The following TSHZ3 variants were observed in gnomAD, a reference collection of about 807,000 sequenced individuals.
The protein encoded by TSHZ3 is teashirt homolog 3.
In TSHZ3, 10 loss-of-function variants were observed where a neutral mutation model predicts 64.5. That is an observed-to-expected ratio of 0.16 (90% confidence interval 0.10 to 0.26). The LOEUF (loss-of-function observed/expected upper bound fraction) is 0.26, where lower values mean the gene tolerates loss of function less well. Ranked by LOEUF, TSHZ3 falls within the 10% of genes least tolerant of loss-of-function variation. TSHZ3 has a pLI of 1.00. For synonymous variants in TSHZ3, 608 were observed against 593.1 expected (o/e 1.03, Z -0.36); for missense variants, 1,242 against 1,421.7 (o/e 0.87, Z 2.03).
intron 1 of TSHZ3, among the ~76,000 whole-genome samples, chr19:31,289,294 G>C (rs568371109): frequency 2.6e-5 from 4 of 152,140 alleles, no homozygotes; most frequent in East Asian, 3.9e-4. Context: ...AGGAGGAGGT[G>C]GGGGGACAAG....
At chr19:31,203,337 G>C (rs539515370) in intron 5 of TSHZ3, among the ~76,000 whole-genome samples, 1 of 152,266 alleles carries the variant, frequency 6.6e-6, no homozygotes, top group South Asian at 2.1e-4. Context: ...GAGGAGACCA[G>C]AGAGGTGAGC....
intron 1 of TSHZ3, among the ~76,000 whole-genome samples, chr19:31,328,241 T>C (rs1916983103): frequency 6.6e-6 from 1 of 152,210 alleles, no homozygotes; most frequent in Non-Finnish European, 1.5e-5. Flanking sequence ...AGTGCTAGGC[T>C]CATGGAGCAG....
chr19:31,216,250 G>T (rs372851670), intron 4 of TSHZ3, among the ~76,000 whole-genome samples: 3 of 151,860 alleles, frequency 2.0e-5, no homozygotes, highest in Non-Finnish European at 1.5e-5. Flanking sequence ...GGCCTTTTTG[G>T]GGGGGCTCCC....
intron 1 of TSHZ3, among the ~76,000 whole-genome samples, chr19:31,245,708 A>C (rs182124141): frequency 6.6e-6 from 1 of 152,238 alleles, no homozygotes; most frequent in African/African-American, 2.4e-5. Flanking sequence ...TCTCCATACA[A>C]AGCTGGATGC....
At chr19:31,176,245 G>A (rs957465832) in intron 5 of TSHZ3, among the ~76,000 whole-genome samples, 5 of 152,158 alleles carry the variant, frequency 3.3e-5, no homozygotes, top group South Asian at 2.1e-4. Context: ...AGATCCATCC[G>A]GACCAAAGGA....
chr19:31,162,115 G>C (rs1244507891), intron 5 of TSHZ3, among the ~76,000 whole-genome samples: 4 of 152,154 alleles, frequency 2.6e-5, no homozygotes, highest in Non-Finnish European at 5.9e-5. Context: ...GTGATTTGAA[G>C]CTTCGTTATT....
At chr19:31,215,143 A>C (rs1319844116) in intron 4 of TSHZ3, among the ~76,000 whole-genome samples, 1 of 152,138 alleles carries the variant, frequency 6.6e-6, no homozygotes, top group Admixed American at 6.5e-5. Context: ...CACATTCAGA[A>C]TTGTGGCGCT....
chr19:31,331,809 G>A lies in TSHZ3; in HGVS notation c.40+17371C>T, dbSNP rs1471980996. On this transcript the variant is annotated intron_variant, in intron 1 of 1. Transcript: ENST00000240587. Reference sequence around the variant, plus strand: ...GTCCATTTTATGTTTCCACACCAGAGCACGCTGCACCTTCGTAAGGAGGGG... The same window carrying A: ...GTCCATTTTATGTTTCCACACCAGAACACGCTGCACCTTCGTAAGGAGGGG... Among the ~76,000 whole-genome samples the A allele has an allele frequency of 3.7e-4, 57 of 152,262 alleles. 1 individual carries two copies. Among genetic ancestry groups the A allele is most frequent in the Admixed American group, 3.7e-3 (56 of 15,302 alleles).
In TSHZ3 at chr19:31,203,946, C is replaced by T. The variant is rs142052753; in HGVS notation, n.809+1010G>A. 6.0e-3 allele frequency among the ~76,000 whole-genome samples: 911 copies of T among 152,082 alleles called. 12 individuals are homozygous for T. Among genetic ancestry groups the T allele is most frequent in the African/African-American group, 0.021 (867 of 41,462 alleles). ...AAGAGGCTTAGTGGACTCACAGTTC[C>T]GCATGGCTGGAGAGACCTCAGGAAA... On this transcript the variant is annotated intron_variant and non_coding_transcript_variant, in intron 5 of 6. Coordinates refer to the TSHZ3 transcript ENST00000651361.
chr19:31,339,287 T>A (rs1568386308), intron 1 of TSHZ3, among the ~76,000 whole-genome samples: 1 of 146,998 alleles, frequency 6.8e-6, no homozygotes, highest in Non-Finnish European at 1.5e-5. Flanking sequence ...GTCAGAAGAG[T>A]GTCAAAGGCT....
At chr19:31,173,109 T>G (rs879808453) in intron 5 of TSHZ3, among the ~76,000 whole-genome samples, 1 of 152,176 alleles carries the variant, frequency 6.6e-6, no homozygotes, top group African/African-American at 2.4e-5. Flanking sequence ...AAAAGGAAGA[T>G]CCAATGACCA....
At position 31,277,142 on chromosome 19, in the gene TSHZ3, TCC is replaced by T; in HGVS notation, c.2649_2650del (p.Glu884ValfsTer95). 6.2e-7 allele frequency: 1 copy of T among 1,609,412 alleles called. No individual in the cohort carries two copies. ...CTTCCTCTTCTGGGCGGGCGTCGAC[TCC>T]TCAGCCTCCTCCAGAGTGGCCCCGT... is the stretch of plus-strand genomic sequence containing the variant. On this transcript the variant is annotated frameshift_variant, in exon 2 of 2. Transcript: ENST00000240587. LOFTEE classifies it high-confidence loss of function. This position sits in a 1 kb window ranked among gnomAD's most constrained non-coding sequence, Gnocchi z 4.5.
chr19:31,231,725 G>C (rs183921428), intron 3 of TSHZ3, among the ~76,000 whole-genome samples: 16 of 152,064 alleles, frequency 1.1e-4, no homozygotes, highest in African/African-American at 3.9e-4. Context: ...CTTTATAGGG[G>C]AGGAAATGGA....
chr19:31,186,687 G>C (rs571153929), intron 5 of TSHZ3, among the ~76,000 whole-genome samples: 15 of 152,288 alleles, frequency 9.8e-5, no homozygotes, highest in Non-Finnish European at 1.8e-4. Flanking sequence ...ATGTAAGAGA[G>C]CTCTGCAACC....
intron 4 of TSHZ3, among the ~76,000 whole-genome samples, chr19:31,205,956 T>C (rs1211715988): frequency 1.3e-5 from 2 of 152,172 alleles, no homozygotes; most frequent in Non-Finnish European, 2.9e-5. Context: ...GAGGGATGAA[T>C]GAGTGGGTGG....
At chr19:31,196,838 A>G (rs1407301042) in intron 5 of TSHZ3, among the ~76,000 whole-genome samples, 1 of 151,984 alleles carries the variant, frequency 6.6e-6, no homozygotes, top group Non-Finnish European at 1.5e-5. Context: ...TGAAAAGAAG[A>G]AAAAATGAAT....
intron 1 of TSHZ3, among the ~76,000 whole-genome samples, chr19:31,309,159 G>T (rs1330653867): frequency 6.6e-6 from 1 of 152,252 alleles, no homozygotes; most frequent in Admixed American, 6.5e-5. Context: ...ATGCCGGAAG[G>T]CATCGCTTTG....
intron 1 of TSHZ3, among the ~76,000 whole-genome samples, chr19:31,303,111 C>T (rs954801236): frequency 6.6e-6 from 1 of 152,136 alleles, no homozygotes; most frequent in Non-Finnish European, 1.5e-5. Flanking sequence ...CAAACAACTC[C>T]AAACAAAGCT....
At chr19:31,168,474 T>C (rs539009019) in intron 5 of TSHZ3, among the ~76,000 whole-genome samples, 1 of 152,182 alleles carries the variant, frequency 6.6e-6, no homozygotes, top group East Asian at 1.9e-4. Context: ...CTTTCAAGAT[T>C]GCATTACTGA....
Sources: gnomAD v4.1 joint callset for allele counts (sites outside exome capture counted in the v4.1 genomes callset) on GRCh38, gnomAD v4.1.1 for gene constraint, Gnocchi (gnomAD v3.1) non-coding constraint, MANE v1.5 for transcripts, NCBI Gene and HGNC (gene_info 2026-07-23, HGNC 2026-07-21) for gene names.